The following PPFIA3 variants were observed in gnomAD, a reference collection of about 807,000 sequenced individuals.
PPFIA3 encodes PPFI scaffold protein A3.
In PPFIA3, 26 loss-of-function variants were observed where a neutral mutation model predicts 145.8. That is an observed-to-expected ratio of 0.18 (90% confidence interval 0.13 to 0.25). The LOEUF is 0.25. Among genes scored for constraint, PPFIA3 ranks in the 10% least tolerant of loss-of-function variants. The pLI is 1.00. For missense variants in PPFIA3, 1,008 were observed against 1,587.8 expected (o/e 0.63, Z 6.21); for synonymous variants, 645 against 661.4 (o/e 0.98, Z 0.38).
At chr19:49,132,934 A>T in intron 7 of PPFIA3, 67 bp from the exon 8 acceptor site, 1 of 1,555,506 alleles carries the variant, frequency 6.4e-7, no homozygotes, top group Non-Finnish European at 8.7e-7. Flanking sequence ...TTCCCAGGGA[A>T]CAAGGGGGTT....
rs765757695 is a variant in PPFIA3, at chr19:49,139,749, C to T, written c.2158C>T (p.Arg720Cys). The T allele has an allele frequency of 1.4e-5, 23 of 1,613,896 alleles. No homozygotes were observed. Among genetic ancestry groups the T allele is most frequent in the East Asian group, 8.9e-5 (4 of 44,890 alleles). Residue 720 changes from arginine to cysteine, a missense_variant, in exon 17 of 30, where the codon CGC (arginine) becomes TGC (cysteine). This residue lies in a region of PPFIA3 where 202 missense variants were observed against 241.8 expected (regional missense o/e 0.84). Coordinates refer to ENST00000334186, the MANE Select transcript of PPFIA3 (RefSeq NM_003660.4). ...IPGDTPPPTP[R>C]SARLERMTQA... Reference sequence around the variant, plus strand: ...AGGAGACACCCCACCACCCACTCCCCGCTCTGCCCGTCTTGAGAGAATGAC... The same window carrying T: ...AGGAGACACCCCACCACCCACTCCCTGCTCTGCCCGTCTTGAGAGAATGAC...
intron 1 of PPFIA3, among the ~76,000 whole-genome samples, chr19:49,122,208 G>A (rs886780915): frequency 6.6e-6 from 1 of 151,382 alleles, no homozygotes; most frequent in Non-Finnish European, 1.5e-5. Flanking sequence ...AGCCTCCTGA[G>A]TAGCTGGGAT....
chr19:49,146,394 C>A, intron 23 of PPFIA3: 4 of 648,348 alleles, frequency 6.2e-6, no homozygotes, highest in South Asian at 1.9e-5. Context: ...GAAGCCCAGA[C>A]TGTTGCATAG....
Position 49,141,442 on chromosome 19 carries a change from A to T in PPFIA3, c.2391A>T (p.Thr797=). The T allele has an allele frequency of 6.2e-7, 1 of 1,614,092 alleles. No homozygotes were observed. The highest frequency in any genetic ancestry group is 8.5e-7 in the Non-Finnish European group (1 of 1,179,974). ...SSLAGTPSDE[T]LATDPLGLAK... is the part of the protein sequence containing the mutation. ...CAGCTGGAACACCCTCAGATGAGAC[A>T]CTGGCCACTGACCCTCTGGGGCTAG... Residue 797 remains threonine, a synonymous_variant, in exon 19 of 30, where the codon ACA becomes ACT. Transcript: ENST00000334186.
chr19:49,127,247 T>A (rs1276289190), intron 1 of PPFIA3, among the ~76,000 whole-genome samples: 1 of 151,036 alleles, frequency 6.6e-6, no homozygotes, highest in African/African-American at 2.4e-5. Context: ...CTGGGCATGG[T>A]GGCGGGTTCC....
In PPFIA3 at chr19:49,149,882, A is replaced by G; in HGVS notation, c.3526+164A>G. On this transcript the variant is annotated intron_variant, in intron 28 of 29. Coordinates refer to ENST00000334186, the MANE Select transcript of PPFIA3 (RefSeq NM_003660.4). The surrounding 1 kb of genome is among the most constrained non-coding windows in gnomAD (Gnocchi z 5.7). ...TCCCCCGTCAGGATGAAATGGATAA[A>G]TCCCACTCCCCCTTCCCAGGGCGGG... 2 of 1,111,816 alleles carry G rather than the reference A, an allele frequency of 1.8e-6. No individual in the cohort carries two copies. Among genetic ancestry groups the G allele is most frequent in the South Asian group, 1.6e-5 (1 of 63,400 alleles). The allele number at this position is 1,111,816 out of a possible 1,614,324, so 68.9% of individuals were successfully genotyped here. A position where few individuals can be genotyped will look rare whatever the true frequency, so the allele number is the denominator to read the frequency against.
rs772551616 is a variant in PPFIA3, at chr19:49,150,035, G to A, written c.3527-45G>A. The stretch of plus-strand genomic sequence containing the variant: ...AGGGAGGAATCCTGGAGAGGAACAG[G>A]GAGGAGGGTGCTCCAGGCTGAACCG... On this transcript the variant is annotated intron_variant, in intron 28 of 29. Transcript: ENST00000334186. The A allele has an allele frequency of 5.1e-6, 8 of 1,575,750 alleles. No individual in the cohort carries two copies. In the South Asian group the frequency reaches 9.3e-5, roughly 18 times the overall value.
At position 49,120,015 on chromosome 19, in the gene PPFIA3, C is replaced by G. The variant is rs1021768538; in HGVS notation, c.-16+293C>G. On this transcript the variant is annotated intron_variant, in intron 1 of 29. Coordinates refer to ENST00000334186, the MANE Select transcript of PPFIA3 (RefSeq NM_003660.4). The surrounding 1 kb of genome is among the most constrained non-coding windows in gnomAD (Gnocchi z 4.6). ...CTAGAGCCTAGATCCCCCTTCCTGACCCTGTCCTGGGAGCTCCAGACACCC... is the reference window on the plus strand; with the variant it reads ...CTAGAGCCTAGATCCCCCTTCCTGAGCCTGTCCTGGGAGCTCCAGACACCC... Among the ~76,000 whole-genome samples, 1 of 152,030 alleles carries G rather than the reference C, an allele frequency of 6.6e-6. No homozygotes were observed. Among genetic ancestry groups the G allele is most frequent in the Non-Finnish European group, 1.5e-5 (1 of 67,948 alleles).
intron 23 of PPFIA3, among the ~76,000 whole-genome samples, chr19:49,147,274 T>C (rs2041291161): frequency 6.6e-6 from 1 of 151,964 alleles, no homozygotes; most frequent in African/African-American, 2.4e-5. Context: ...ATTTAATGTG[T>C]AGTGGGGTGG....
chr19:49,142,060 G>T lies in PPFIA3; in HGVS notation c.2489G>T (p.Arg830Leu). The T allele has an allele frequency of 6.3e-7, 1 of 1,574,844 alleles. No homozygotes were observed. The highest frequency in any genetic ancestry group is 8.6e-7 in the Non-Finnish European group (1 of 1,159,910). Residue 830 changes from arginine to leucine, a missense_variant, in exon 20 of 30, where the codon CGC becomes CTC. Physicochemically the swap from Arg to Leu is moderately radical, Grantham distance 102. Transcript: ENST00000334186. Reference protein sequence around the residue: ...RKHELLEEACRQGLPFAAWDG... With the variant: ...RKHELLEEACLQGLPFAAWDG... Reference sequence around the variant, plus strand: ...CATGAACTCCTGGAGGAGGCCTGCCGCCAGGGCCTACCTTTTGCTGCCTGG... The same window carrying T: ...CATGAACTCCTGGAGGAGGCCTGCCTCCAGGGCCTACCTTTTGCTGCCTGG...
At chr19:49,144,040 T>G (rs768714257) in intron 21 of PPFIA3, among the ~76,000 whole-genome samples, 7 of 152,102 alleles carry the variant, frequency 4.6e-5, no homozygotes, top group Non-Finnish European at 1.0e-4. Context: ...GAGTCTTGCT[T>G]TGTCGCCAAG....
intron 23 of PPFIA3, among the ~76,000 whole-genome samples, chr19:49,146,694 C>T (rs2041285110): frequency 6.6e-6 from 1 of 152,136 alleles, no homozygotes; most frequent in Non-Finnish European, 1.5e-5. Context: ...CTTTAGGAGG[C>T]TGAGGTGGGC....
At chr19:49,124,734 A>T (rs1014678597) in intron 1 of PPFIA3, among the ~76,000 whole-genome samples, 13 of 152,038 alleles carry the variant, frequency 8.6e-5, no homozygotes, top group African/African-American at 3.1e-4. Context: ...TCCCCAAAAC[A>T]TCTGTGTTGC....
chr19:49,127,063 G>C (rs1202837021), intron 1 of PPFIA3, among the ~76,000 whole-genome samples: 3 of 130,184 alleles, frequency 2.3e-5, no homozygotes, highest in Non-Finnish European at 4.7e-5. Context: ...GAGTCCAGGA[G>C]TGAGACCTCA....
chr19:49,132,423 AAGAG>A lies in PPFIA3; in HGVS notation c.880-568_880-565del, dbSNP rs1262016121. On this transcript the variant is annotated intron_variant, in intron 7 of 29. Transcript: ENST00000334186. ...AAAAAAAAAAAAAAAAAAAAAAAGA[AAGAG>A]AGAGAGAGAACCTTCATCTGGGATT... 6.7e-5 allele frequency among the ~76,000 whole-genome samples: 10 copies of A among 149,224 alleles called. No individual in the cohort carries two copies. The South Asian group carries it at 8.5e-4, about 13-fold the overall frequency.
At chr19:49,145,427 C>G (rs1157319355) in intron 21 of PPFIA3, among the ~76,000 whole-genome samples, 2 of 152,188 alleles carry the variant, frequency 1.3e-5, no homozygotes. Context: ...GTTTCTCCCC[C>G]ACTAGGACGA....
rs538289567 is a variant in PPFIA3, at chr19:49,134,170, G to GC, written c.1377+11dup. The GC allele has an allele frequency of 1.3e-4, 207 of 1,607,434 alleles. 1 individual carries two copies. In the African/African-American group the frequency reaches 2.3e-3, roughly 18 times the overall value. On this transcript the variant is annotated splice_donor_region_variant and intron_variant, in intron 11 of 29. Transcript: ENST00000334186. ...ATGGGGGCGCTGGAGGAGAAGGTGC[G>GC]CCCCCCATACAGGACTGCGGGACGC... is the stretch of plus-strand genomic sequence containing the variant.
In PPFIA3 at chr19:49,130,689, G is replaced by C; in HGVS notation, c.879+90G>C. ...CATTGCTCATGAATGGCGGAACCTC[G>C]ATTCAGTCCACAGGCTGGGTGACTC... On this transcript the variant is annotated intron_variant, in intron 7 of 29. Transcript: ENST00000334186. The surrounding 1 kb of genome is among the most constrained non-coding windows in gnomAD (Gnocchi z 4.5). The C allele has an allele frequency of 1.8e-6, 2 of 1,120,740 alleles. No homozygotes were observed. Among genetic ancestry groups the C allele is most frequent in the South Asian group, 1.5e-5 (1 of 65,538 alleles). The allele number at this position is 1,120,740 out of a possible 1,614,324, so 69.4% of individuals were successfully genotyped here.
Position 49,149,936 on chromosome 19 carries a change from C to G in PPFIA3, c.3527-144C>G. 8.5e-7 allele frequency: 1 copy of G among 1,175,970 alleles called. No individual in the cohort carries two copies. Among genetic ancestry groups the G allele is most frequent in the East Asian group, 2.6e-5 (1 of 38,976 alleles). 72.8% of individuals were successfully genotyped at this position (1,175,970 alleles called of 1,614,324 possible). On this transcript the variant is annotated intron_variant, in intron 28 of 29. Transcript: ENST00000334186. The surrounding 1 kb of genome is among the most constrained non-coding windows in gnomAD (Gnocchi z 5.7). Reference sequence around the variant, plus strand: ...GAACTCGCCCAATGCGAGTTTGAGTCCTTGGCTGCGGGGAAGGGAGGGAAA... The same window carrying G: ...GAACTCGCCCAATGCGAGTTTGAGTGCTTGGCTGCGGGGAAGGGAGGGAAA...
Sources: gnomAD v4.1 joint callset for allele counts (sites outside exome capture counted in the v4.1 genomes callset) on GRCh38, gnomAD v4.1.1 for gene constraint, gnomAD v4.1.1 regional missense constraint, Gnocchi (gnomAD v3.1) non-coding constraint, MANE v1.5 for transcripts, NCBI Gene and HGNC (gene_info 2026-07-23, HGNC 2026-07-21) for gene names.